The following MYRIP variants were observed in gnomAD, a reference collection of about 807,000 sequenced individuals.
MYRIP encodes myosin VIIA and Rab interacting protein.
A neutral mutation model predicts 98.0 loss-of-function variants in MYRIP; 49 were observed. That is an observed-to-expected ratio of 0.50 (90% CI 0.40 to 0.63). MYRIP has a LOEUF of 0.63. MYRIP is among the 30% of genes least tolerant of loss of function. The pLI, the probability that MYRIP is intolerant of heterozygous loss-of-function variation, is 0.00. For missense variants in MYRIP, 1,004 were observed against 1,058.2 expected, an observed-to-expected ratio of 0.95 and a Z score of 0.71; for synonymous variants, 404 against 409.5, an observed-to-expected ratio of 0.99 and a Z score of 0.16.
intron 1 of MYRIP, among the ~76,000 whole-genome samples, chr3:39,812,516 T>G (rs892589387): frequency 6.6e-6 from 1 of 152,218 alleles, no homozygotes; most frequent in African/African-American, 2.4e-5. Flanking sequence ...CATTGGTCAA[T>G]GGCGGCTGGT....
intron 1 of MYRIP, among the ~76,000 whole-genome samples, chr3:39,816,422 A>G (rs1940915927): frequency 1.3e-5 from 2 of 152,190 alleles, no homozygotes; most frequent in Admixed American, 6.5e-5. Flanking sequence ...CTATCCTGAG[A>G]GTAAACTCCC....
intron 11 of MYRIP, among the ~76,000 whole-genome samples, chr3:40,222,965 C>T (rs1333806394): frequency 6.6e-6 from 1 of 152,188 alleles, no homozygotes; most frequent in East Asian, 1.9e-4. Context: ...GTAGCTTAGC[C>T]ATTAATCTTC....
At chr3:40,064,819 T>C (rs1161606412) in intron 3 of MYRIP, among the ~76,000 whole-genome samples, 7 of 152,182 alleles carry the variant, frequency 4.6e-5, no homozygotes, top group African/African-American at 7.2e-5. Context: ...TCCTGGGACT[T>C]AATTCCTCAC....
chr3:39,861,929 T>A (rs1324767195), intron 1 of MYRIP, among the ~76,000 whole-genome samples: 1 of 152,146 alleles, frequency 6.6e-6, no homozygotes, highest in East Asian at 1.9e-4. Context: ...CAGGACATCA[T>A]CCATGAAAAG....
intron 1 of MYRIP, among the ~76,000 whole-genome samples, chr3:39,824,979 T>C (rs1941221256): frequency 6.6e-6 from 1 of 152,164 alleles, no homozygotes; most frequent in Non-Finnish European, 1.5e-5. Context: ...TGTATTTCCA[T>C]AGTGCTGGGA....
rs141845711 is a variant in MYRIP, at chr3:40,006,123, G to A, written c.111-37927G>A. 3.8e-4 allele frequency among the ~76,000 whole-genome samples: 58 copies of A among 152,302 alleles called. No homozygotes were observed. In the East Asian group the frequency reaches 0.011, roughly 28 times the overall value. ...GAAGGTGCATATGGTTAAAGAATCA[G>A]ATGAACTTGGAGGCATCCAGGCCAT... On this transcript the variant is annotated intron_variant, in intron 2 of 16. Coordinates refer to ENST00000302541, the MANE Select transcript of MYRIP (RefSeq NM_015460.4).
chr3:39,879,020 C>A (rs1041800955), intron 1 of MYRIP, among the ~76,000 whole-genome samples: 4 of 151,508 alleles, frequency 2.6e-5, no homozygotes, highest in African/African-American at 9.7e-5. Flanking sequence ...GAGCCAAGAT[C>A]GCACCACTGC....
At chr3:40,257,855 TAAAC>T (rs993933545) in intron 16 of MYRIP, among the ~76,000 whole-genome samples, 2 of 152,182 alleles carry the variant, frequency 1.3e-5, no homozygotes, top group African/African-American at 4.8e-5. Flanking sequence ...TATGGATTAT[TAAAC>T]AAGAACACTG....
chr3:39,928,533 A>G (rs1210112092), intron 2 of MYRIP, among the ~76,000 whole-genome samples: 2 of 151,960 alleles, frequency 1.3e-5, no homozygotes, highest in African/African-American at 2.4e-5. Context: ...GTTTTAAAAA[A>G]ACAATCAATG....
chr3:40,168,877 A>C (rs113603373), intron 7 of MYRIP, among the ~76,000 whole-genome samples: 142 of 152,316 alleles, frequency 9.3e-4, no homozygotes, highest in African/African-American at 3.2e-3. Flanking sequence ...TCACACTAGA[A>C]AGTGCCGTAT....
At chr3:40,203,673 T>A (rs1025164928) in intron 10 of MYRIP, among the ~76,000 whole-genome samples, 8 of 133,724 alleles carry the variant, frequency 6.0e-5, no homozygotes, top group Admixed American at 1.7e-4. Context: ...TTATATATTT[T>A]TATATTTTTA....
chr3:39,900,520 A>G (rs1319289002), intron 1 of MYRIP, among the ~76,000 whole-genome samples: 1 of 151,226 alleles, frequency 6.6e-6, no homozygotes, highest in Non-Finnish European at 1.5e-5. Flanking sequence ...AGTCTTATGT[A>G]TGGTTCACTT....
chr3:40,044,296 G>T lies in MYRIP; in HGVS notation c.332+25G>T, dbSNP rs371965412. On this transcript the variant is annotated intron_variant, in intron 3 of 16. Transcript: ENST00000302541. ...GGTGAGTGGCTGGTGCATTCCCAGG[G>T]TCTACACTGTTGATTTAGAGAGATT... 1.1e-5 allele frequency: 17 copies of T among 1,605,284 alleles called. No individual in the cohort carries two copies. The East Asian group carries it at 2.7e-4, about 25-fold the overall frequency.
At chr3:40,234,197 G>A (rs946887460) in intron 12 of MYRIP, 144 bp downstream of exon 12, 27 of 885,712 alleles carry the variant, frequency 3.0e-5, no homozygotes, top group Non-Finnish European at 4.3e-5. Context: ...TCTCAGGAAG[G>A]ACCTTAGGTT....
At position 40,102,914 on chromosome 3, in the gene MYRIP, C is replaced by T. The variant is rs566911846; in HGVS notation, c.333-48134C>T. 2.0e-5 allele frequency among the ~76,000 whole-genome samples: 3 copies of T among 151,956 alleles called. No individual in the cohort carries two copies. In the South Asian group the frequency reaches 6.2e-4, roughly 32 times the overall value. The stretch of plus-strand genomic sequence containing the variant: ...AAAAGTTTTACAAGACAGTACTAAC[C>T]CCTTCTACGGGCCAAGCACTCAGGT... On this transcript the variant is annotated intron_variant, in intron 3 of 16. Transcript: ENST00000302541.
At chr3:40,170,324 C>G (rs1264375312) in intron 8 of MYRIP, among the ~76,000 whole-genome samples, 1 of 151,974 alleles carries the variant, frequency 6.6e-6, no homozygotes, top group African/African-American at 2.4e-5. Context: ...TACACAGAGA[C>G]CAATTTAGGA....
chr3:40,254,479 T>TGG (rs369352734), intron 16 of MYRIP, among the ~76,000 whole-genome samples: 5 of 5,734 alleles, frequency 8.7e-4, no homozygotes, highest in African/African-American at 1.9e-3. Flanking sequence ...CATTTGTGTC[T>TGG]GGGGGGGGTG....
At chr3:40,084,789 G>A in intron 3 of MYRIP, among the ~76,000 whole-genome samples, 1 of 55,420 alleles carries the variant, frequency 1.8e-5, no homozygotes, top group African/African-American at 5.8e-5. Flanking sequence ...TGTGTTACAT[G>A]TCGATAGATA....
At chr3:39,932,396 T>C (rs1223092353) in intron 2 of MYRIP, among the ~76,000 whole-genome samples, 1 of 152,042 alleles carries the variant, frequency 6.6e-6, no homozygotes, top group Non-Finnish European at 1.5e-5. Context: ...AGTCTCACTC[T>C]GTTGCCCAGG....
Sources: gnomAD v4.1 joint callset for allele counts (sites outside exome capture counted in the v4.1 genomes callset) on GRCh38, gnomAD v4.1.1 for gene constraint, MANE v1.5 for transcripts, NCBI Gene and HGNC (gene_info 2026-07-23, HGNC 2026-07-21) for gene names.